P2RX7: variants seen among roughly 807,000 people sequenced by gnomAD.
The protein encoded by P2RX7 is P2X purinoceptor 7.
Under a neutral mutation model 71.6 loss-of-function variants are expected in P2RX7, and 62 were observed. The observed-to-expected ratio is 0.87, with a 90% CI of 0.71 to 1.07. The LOEUF (loss-of-function observed/expected upper bound fraction) is 1.07, where lower values mean the gene tolerates loss of function less well. Ranked by LOEUF, P2RX7 falls within the 50% of genes least tolerant of loss-of-function variation. P2RX7 has a pLI of 0.00. For synonymous variants in P2RX7, 299 were observed against 283.3 expected (o/e 1.06, Z -0.56); for missense variants, 686 against 748.5 (o/e 0.92, Z 0.97).
chr12:121,162,756 C>T (rs1169990075), intron 5 of P2RX7, among the ~76,000 whole-genome samples: 1 of 152,084 alleles, frequency 6.6e-6, no homozygotes, highest in Non-Finnish European at 1.5e-5. Flanking sequence ...TAGCTACTAC[C>T]CTGAGCATCC....
chr12:121,172,688 A>G (rs1456402847), intron 8 of P2RX7, among the ~76,000 whole-genome samples: 2 of 152,208 alleles, frequency 1.3e-5, no homozygotes, highest in Admixed American at 1.3e-4. Context: ...CATCAGCAAG[A>G]GAAAAAGCTC....
rs998985382 is a variant in P2RX7 at position 121,155,052 on chromosome 12, C to T, written c.294+99C>T. ...ATCTACAGCCTCACTCCAGAAAAAACGCTGGTCCTATTTTAAAAGCTCTGT... is the reference window on the plus strand; with the variant it reads ...ATCTACAGCCTCACTCCAGAAAAAATGCTGGTCCTATTTTAAAAGCTCTGT... On this transcript the variant is annotated intron_variant, in intron 2 of 12. Coordinates refer to ENST00000328963, the MANE Select transcript of P2RX7 (RefSeq NM_002562.6). 2.0e-5 allele frequency: 31 copies of T among 1,538,270 alleles called. No individual in the cohort carries two copies. In the South Asian group the frequency reaches 2.6e-4, roughly 13 times the overall value.
intron 1 of P2RX7, among the ~76,000 whole-genome samples, chr12:121,140,817 T>C (rs1874692227): frequency 6.6e-6 from 1 of 152,198 alleles, no homozygotes; most frequent in Admixed American, 6.5e-5. Context: ...CCAGGCGTGG[T>C]GGCTCAACGC....
chr12:121,166,211 G>A, intron 7 of P2RX7, 24 bp downstream of exon 7: 1 of 1,607,820 alleles, frequency 6.2e-7, no homozygotes, highest in Non-Finnish European at 8.5e-7. Flanking sequence ...TGTACACTGG[G>A]ATGTGGGGCT....
At chr12:121,136,023 A>AAAAAAAAATATAT in intron 1 of P2RX7, among the ~76,000 whole-genome samples, 5 of 15,262 alleles carry the variant, frequency 3.3e-4, no homozygotes, top group African/African-American at 4.9e-4. Flanking sequence ...AAAAAAAAAA[A>AAAAAAAAATATAT]ATATATATAT....
chr12:121,154,888 G>A lies in P2RX7; in HGVS notation c.229G>A (p.Glu77Lys). Residue 77 changes from glutamate (E) to lysine (K), a missense_variant, in exon 2 of 13, where the codon GAG becomes AAG. By Grantham distance (56) the Glu-to-Lys change is moderately conservative. Transcript: ENST00000328963. This position sits in a 1 kb window ranked among gnomAD's most constrained non-coding sequence, Gnocchi z 4.2. ...GIAEVKEEIV[E>K]NGVKKLVHSV... ...AGCAGAGGTGAAAGAGGAGATCGTG[G>A]AGAATGGAGTGAAGAAGTTGGTGCA... The A allele has an allele frequency of 6.2e-7, 1 of 1,614,176 alleles. No homozygotes were observed. The highest frequency in any genetic ancestry group is 8.5e-7 in the Non-Finnish European group (1 of 1,180,000).
rs551286787 is a variant in P2RX7, at chr12:121,168,537, A to G, written c.881+913A>G. ...TCCCGCCTTGGCTTCCCAAAGTGCT[A>G]GGATTACAGGCATGAGCCACTGTGC... On this transcript the variant is annotated intron_variant, in intron 8 of 12. Coordinates refer to ENST00000328963, the MANE Select transcript of P2RX7 (RefSeq NM_002562.6). 1.1e-4 allele frequency among the ~76,000 whole-genome samples: 16 copies of G among 152,194 alleles called. No homozygotes were observed. In the East Asian group the frequency reaches 1.9e-3, roughly 18 times the overall value.
At chr12:121,150,339 G>A (rs1877132852) in intron 1 of P2RX7, among the ~76,000 whole-genome samples, 1 of 152,226 alleles carries the variant, frequency 6.6e-6, no homozygotes, top group African/African-American at 2.4e-5. Context: ...ATCATATGTT[G>A]CACATTCTGG....
intron 7 of P2RX7, among the ~76,000 whole-genome samples, chr12:121,167,285 G>A (rs1312416771): frequency 6.6e-6 from 1 of 152,090 alleles, no homozygotes; most frequent in Non-Finnish European, 1.5e-5. Context: ...ATGTGTCCCA[G>A]ACGGGGGTAG....
intron 8 of P2RX7, among the ~76,000 whole-genome samples, chr12:121,167,962 G>A (rs1193429582): frequency 6.6e-6 from 1 of 151,932 alleles, no homozygotes; most frequent in Admixed American, 6.6e-5. Context: ...ATAGGCGGAT[G>A]CACACTGTTT....
chr12:121,154,890 G>A lies in P2RX7; in HGVS notation c.231G>A (p.Glu77=). The A allele has an allele frequency of 6.2e-7, 1 of 1,614,184 alleles. No individual in the cohort carries two copies. Among genetic ancestry groups the A allele is most frequent in the Non-Finnish European group, 8.5e-7 (1 of 1,179,998 alleles). Residue 77 remains glutamate (E), a synonymous_variant, in exon 2 of 13, where the codon GAG becomes GAA. Transcript: ENST00000328963. This position sits in a 1 kb window ranked among gnomAD's most constrained non-coding sequence, Gnocchi z 4.2. The part of the protein sequence containing the change: ...GIAEVKEEIV[E]NGVKKLVHSV... ...CAGAGGTGAAAGAGGAGATCGTGGA[G>A]AATGGAGTGAAGAAGTTGGTGCACA...
chr12:121,171,869 T>C (rs2136119424), intron 8 of P2RX7, among the ~76,000 whole-genome samples: 1 of 150,350 alleles, frequency 6.7e-6, no homozygotes, highest in African/African-American at 2.4e-5. Context: ...TTTCTTTTTT[T>C]TTTTTTTTTT....
chr12:121,143,859 G>C (rs1436639568), intron 1 of P2RX7, among the ~76,000 whole-genome samples: 1 of 152,054 alleles, frequency 6.6e-6, no homozygotes, highest in Non-Finnish European at 1.5e-5. Context: ...TCAAAAAAAA[G>C]AAAGTCTCTT....
chr12:121,163,594 CAGGTAGAT>C lies in P2RX7; in HGVS notation c.533+1077_533+1084del, dbSNP rs1395190005. Among the ~76,000 whole-genome samples the C allele has an allele frequency of 8.0e-5, 5 of 62,408 alleles. No individual in the cohort carries two copies. In the South Asian group the frequency reaches 1.1e-3, roughly 14 times the overall value. 40.9% of individuals were successfully genotyped at this position (62,408 alleles called of 152,430 possible). A position where few individuals can be genotyped will look rare whatever the true frequency, so the allele number is the denominator to read the frequency against. ...GATAAATAGATAATAGATAGATAGA[CAGGTAGAT>C]AGATAGATAGATAGATAGATAGATA... On this transcript the variant is annotated intron_variant, in intron 5 of 12. Coordinates refer to ENST00000328963, the MANE Select transcript of P2RX7 (RefSeq NM_002562.6).
rs756785007 is a variant in P2RX7 at position 121,156,091 on chromosome 12, T to C, written c.307T>C (p.Phe103Leu). ...TCCTTCTCCACAGGGGAACTCTTTCTTCGTGATGACAAACTTTCTCAAAAC... is the reference window on the plus strand; with the variant it reads ...TCCTTCTCCACAGGGGAACTCTTTCCTCGTGATGACAAACTTTCTCAAAAC... ...YTFPLQGNSFFVMTNFLKTEG... is the reference protein window; with the variant it reads ...YTFPLQGNSFLVMTNFLKTEG... Residue 103 changes from phenylalanine to leucine, a missense_variant, in exon 3 of 13, where the codon TTC (phenylalanine) becomes CTC (leucine). Coordinates refer to ENST00000328963, the MANE Select transcript of P2RX7 (RefSeq NM_002562.6). 11 of 1,614,162 alleles carry C rather than the reference T, an allele frequency of 6.8e-6. No homozygotes were observed. The highest frequency in any genetic ancestry group is 2.2e-5 in the South Asian group (2 of 91,090).
intron 1 of P2RX7, 123 bp downstream of exon 1, chr12:121,133,218 A>C: frequency 9.7e-6 from 11 of 1,131,274 alleles, no homozygotes; most frequent in Non-Finnish European, 1.4e-5. Context: ...ACGTGCTCTC[A>C]CAGCCAGCTG....
chr12:121,182,341 A>G (rs1023120720), intron 12 of P2RX7, among the ~76,000 whole-genome samples: 1 of 152,230 alleles, frequency 6.6e-6, no homozygotes, highest in Non-Finnish European at 1.5e-5. Context: ...GAAGTGAACT[A>G]CAGTCATGCA....
intron 1 of P2RX7, among the ~76,000 whole-genome samples, chr12:121,134,965 CA>C (rs112397578): frequency 2.1e-4 from 29 of 140,892 alleles, no homozygotes; most frequent in Admixed American, 1.1e-3. Flanking sequence ...GGCAATTAAC[CA>C]AAAAAAAAAG....
chr12:121,141,634 G>A (rs1449432062), intron 1 of P2RX7, among the ~76,000 whole-genome samples: 3 of 151,922 alleles, frequency 2.0e-5, no homozygotes, highest in African/African-American at 7.3e-5. Flanking sequence ...AAACATGAAG[G>A]GTTTTATGTT....
Sources: gnomAD v4.1 joint callset for allele counts (sites outside exome capture counted in the v4.1 genomes callset) on GRCh38, gnomAD v4.1.1 for gene constraint, Gnocchi (gnomAD v3.1) non-coding constraint, MANE v1.5 for transcripts, NCBI Gene and HGNC (gene_info 2026-07-23, HGNC 2026-07-21) for gene names.